The following MDN1 variants were observed in gnomAD, a reference collection of about 807,000 sequenced individuals.
The protein encoded by MDN1 is midasin.
A neutral mutation model predicts 669.2 loss-of-function variants in MDN1; 266 were observed. The observed-to-expected ratio is 0.40, with a 90% confidence interval of 0.36 to 0.44. The LOEUF is 0.44. MDN1 is among the 20% of genes least tolerant of loss of function. The pLI is 1.00. For synonymous variants in MDN1, 2,385 were observed against 2,457.1 expected, an observed-to-expected ratio of 0.97 and a Z score of 0.87; for missense variants, 5,940 against 6,754.0, an observed-to-expected ratio of 0.88 and a Z score of 4.22.
intron 55 of MDN1, 55 bp from the exon 56 acceptor site, chr6:89,700,911 T>C: frequency 1.4e-6 from 2 of 1,435,518 alleles, no homozygotes; most frequent in South Asian, 1.2e-5. Flanking sequence ...TGGTTTTCTT[T>C]AGTAGCCTAT....
intron 8 of MDN1, 109 bp downstream of exon 8, chr6:89,787,745 C>T: frequency 1.4e-6 from 1 of 710,400 alleles, no homozygotes. Context: ...TTCCAACTAA[C>T]CTTGCTTGAA....
At chr6:89,756,973 G>GT (rs1262517038) in intron 19 of MDN1, among the ~76,000 whole-genome samples, 2 of 151,364 alleles carry the variant, frequency 1.3e-5, no homozygotes, top group African/African-American at 4.8e-5. Flanking sequence ...ATTTTCAAGT[G>GT]TTTTTTATCA....
intron 12 of MDN1, among the ~76,000 whole-genome samples, chr6:89,776,122 C>T (rs561329338): frequency 6.6e-6 from 1 of 152,288 alleles, no homozygotes; most frequent in South Asian, 2.1e-4. Flanking sequence ...TAAATGCTCA[C>T]TAAAACACTG....
chr6:89,770,508 A>C (rs1374958438), intron 15 of MDN1, among the ~76,000 whole-genome samples: 1 of 152,072 alleles, frequency 6.6e-6, no homozygotes, highest in Admixed American at 6.6e-5. Context: ...AGTTCCTCAA[A>C]CAACCAACTA....
intron 59 of MDN1, among the ~76,000 whole-genome samples, chr6:89,698,205 C>A (rs1562106331): frequency 6.6e-6 from 1 of 152,104 alleles, no homozygotes; most frequent in Non-Finnish European, 1.5e-5. Flanking sequence ...CTGGCAATAA[C>A]CATAATTTTG....
In MDN1 at chr6:89,688,160, A is replaced by G. The variant is rs1812146825; in HGVS notation, c.11273T>C (p.Met3758Thr). ...AAGTGGGAAACTACGAATTCTGTCC[A>G]TTACAACCAGGAGCTGCAGAAATAA... ...HPALEQLLVV[M>T]DRIRSFPLSS... The change falls in exon 67 of 102, where the codon ATG (methionine) becomes ACG (threonine). Residue 3758 changes from methionine to threonine, a missense_variant. By Grantham distance (81) the Met-to-Thr change is moderately conservative. Coordinates refer to ENST00000369393, the MANE Select transcript of MDN1 (RefSeq NM_014611.3). 1 of 1,614,026 alleles carries G rather than the reference A, an allele frequency of 6.2e-7. No homozygotes were observed. The highest frequency in any genetic ancestry group is 1.3e-5 in the African/African-American group (1 of 75,030).
intron 85 of MDN1, among the ~76,000 whole-genome samples, chr6:89,663,526 A>C (rs1809957136): frequency 1.3e-5 from 2 of 152,226 alleles, no homozygotes; most frequent in Non-Finnish European, 2.9e-5. Flanking sequence ...ATTGGACAGA[A>C]ATTTGGGGCA....
At chr6:89,650,652 T>G in intron 96 of MDN1, 80 bp downstream of exon 96, 1 of 1,061,192 alleles carries the variant, frequency 9.4e-7, no homozygotes, top group Non-Finnish European at 1.4e-6. Flanking sequence ...CTATAAATGG[T>G]TAGGTGCCGC....
At chr6:89,723,681 G>A in intron 38 of MDN1, 62 bp from the exon 39 acceptor site, 1 of 912,870 alleles carries the variant, frequency 1.1e-6, no homozygotes, top group East Asian at 2.8e-5. Context: ...CACTAGAAAT[G>A]ACTACCATGT....
At chr6:89,795,265 T>C (rs753837265) in intron 2 of MDN1, among the ~76,000 whole-genome samples, 1 of 152,172 alleles carries the variant, frequency 6.6e-6, no homozygotes. Flanking sequence ...ACCAAATAGA[T>C]ACTCTTCTTG....
rs994847848 is a variant in MDN1, at chr6:89,790,316, G to T, written c.941C>A (p.Thr314Asn). ...LVESVCKSLQTLAMAVASQNA... is the reference protein window; with the variant it reads ...LVESVCKSLQNLAMAVASQNA... ...CTGAGAAGCAACCGCCATAGCCAGGGTCTGAAGACTTTTGCAGACAGACTC... is the reference window on the plus strand; with the variant it reads ...CTGAGAAGCAACCGCCATAGCCAGGTTCTGAAGACTTTTGCAGACAGACTC... The change falls in exon 6 of 102, where the codon ACC becomes AAC. Residue 314 changes from threonine to asparagine, a missense_variant. Transcript: ENST00000369393. 2.5e-6 allele frequency: 4 copies of T among 1,613,956 alleles called. No individual in the cohort carries two copies. Among genetic ancestry groups the T allele is most frequent in the Non-Finnish European group, 2.5e-6 (3 of 1,180,028 alleles).
intron 56 of MDN1, 38 bp downstream of exon 56, chr6:89,700,608 G>A (rs1204751711): frequency 6.3e-7 from 1 of 1,586,994 alleles, no homozygotes; most frequent in South Asian, 1.1e-5. Flanking sequence ...GATATTTTCA[G>A]AGCATCTGTC....
chr6:89,659,667 A>G (rs995167564), intron 88 of MDN1, among the ~76,000 whole-genome samples: 1 of 152,234 alleles, frequency 6.6e-6, no homozygotes, highest in Non-Finnish European at 1.5e-5. Context: ...AAACAAACAA[A>G]AAAACACAAT....
Position 89,679,931 on chromosome 6 carries a change from T to C in MDN1, c.12265+658A>G, listed in dbSNP as rs546900624. 9.3e-4 allele frequency among the ~76,000 whole-genome samples: 142 copies of C among 152,302 alleles called. 2 individuals are homozygous for C. In the South Asian group the frequency reaches 0.028, roughly 30 times the overall value. ...CCCCCACCCCTAGGCCTGAGTCACC[T>C]TGAGCAACGGCTGACAAGTTTTAAA... On this transcript the variant is annotated intron_variant, in intron 74 of 101. Coordinates refer to ENST00000369393, the MANE Select transcript of MDN1 (RefSeq NM_014611.3).
intron 9 of MDN1, among the ~76,000 whole-genome samples, chr6:89,782,640 T>TAATAAG (rs1189496082): frequency 1.7e-5 from 2 of 117,448 alleles, no homozygotes; most frequent in African/African-American, 6.3e-5. Context: ...ATAATAATAA[T>TAATAAG]AAGATATAAA....
intron 5 of MDN1, among the ~76,000 whole-genome samples, chr6:89,791,789 T>G (rs1280386772): frequency 6.6e-6 from 1 of 151,686 alleles, no homozygotes; most frequent in Non-Finnish European, 1.5e-5. Flanking sequence ...CTGGGCAACA[T>G]AGTGAGACTC....
intron 46 of MDN1, 84 bp downstream of exon 46, chr6:89,714,459 A>T: frequency 8.3e-7 from 1 of 1,205,488 alleles, no homozygotes; most frequent in Non-Finnish European, 1.2e-6. Context: ...AAATGTACGA[A>T]ATCTTTGATG....
Position 89,670,778 on chromosome 6 carries a change from C to A in MDN1, c.13956+141G>T, listed in dbSNP as rs540689704. 2.1e-4 allele frequency: 202 copies of A among 976,448 alleles called. No individual in the cohort carries two copies. The African/African-American group carries it at 3.1e-3, about 15-fold the overall frequency. The allele number at this position is 976,448 out of a possible 1,614,324, so 60.5% of individuals were successfully genotyped here. On this transcript the variant is annotated intron_variant, in intron 83 of 101. Transcript: ENST00000369393. ...TTAGCAAAAGGATGCCAGACAAAGC[C>A]CTAAATAATCCACAGGGAGAGCAAA...
In MDN1 at chr6:89,790,336, A is replaced by G. The variant is rs750235504; in HGVS notation, c.921T>C (p.Ser307=). 2.5e-6 allele frequency: 4 copies of G among 1,614,056 alleles called. No individual in the cohort carries two copies. Among genetic ancestry groups the G allele is most frequent in the Admixed American group, 3.3e-5 (2 of 59,984 alleles). The change falls in exon 6 of 102, where the codon TCT becomes TCC. Residue 307 remains serine, a synonymous_variant. Coordinates refer to ENST00000369393, the MANE Select transcript of MDN1 (RefSeq NM_014611.3). ...LALRSYVLVE[S]VCKSLQTLAM... Reference sequence around the variant, plus strand: ...CCAGGGTCTGAAGACTTTTGCAGACAGACTCAACCAGCACATAAGACCTAA... The same window carrying G: ...CCAGGGTCTGAAGACTTTTGCAGACGGACTCAACCAGCACATAAGACCTAA...
Sources: allele counts gnomAD v4.1 joint callset (sites outside exome capture counted in the v4.1 genomes callset), GRCh38; gene constraint gnomAD v4.1.1; transcripts MANE v1.5; gene names NCBI Gene and HGNC (gene_info 2026-07-23, HGNC 2026-07-21).